The following TP73 variants were observed in gnomAD, a reference collection of about 807,000 sequenced individuals.
TP73 encodes tumor protein p73.
A neutral mutation model predicts 62.5 loss-of-function variants in TP73; 25 were observed. That is an observed-to-expected ratio of 0.40 (90% CI 0.29 to 0.56). The LOEUF (loss-of-function observed/expected upper bound fraction) is 0.56. Among genes scored for constraint, TP73 ranks in the 20% least tolerant of loss-of-function variants. The pLI, the probability that TP73 is intolerant of heterozygous loss-of-function variation, is 0.46. For synonymous variants in TP73, 423 were observed against 377.5 expected (o/e 1.12, Z -1.40); for missense variants, 754 against 913.3 (o/e 0.83, Z 2.25).
At chr1:3,713,281 C>G (rs907153070) in intron 4 of TP73, among the ~76,000 whole-genome samples, 2 of 152,222 alleles carry the variant, frequency 1.3e-5, no homozygotes, top group African/African-American at 4.8e-5. Context: ...AGAAGCCAGG[C>G]AGCTGGGCTT....
intron 6 of TP73, among the ~76,000 whole-genome samples, chr1:3,724,987 C>T (rs149010960): frequency 6.6e-6 from 1 of 152,038 alleles, no homozygotes; most frequent in African/African-American, 2.4e-5. Flanking sequence ...CCATTGCACT[C>T]CAGCCTGGGG....
chr1:3,686,976 A>G (rs1287304286), intron 3 of TP73, among the ~76,000 whole-genome samples: 1 of 152,128 alleles, frequency 6.6e-6, no homozygotes, highest in East Asian at 1.9e-4. Flanking sequence ...GAGGGCAGGG[A>G]GGAGGCCCTG....
intron 4 of TP73, among the ~76,000 whole-genome samples, chr1:3,709,301 G>A (rs1639939458): frequency 6.6e-6 from 1 of 152,312 alleles, no homozygotes; most frequent in South Asian, 2.1e-4. Context: ...AGAGGACCTG[G>A]CACCTCCTCC....
At chr1:3,709,195 G>A (rs559071189) in intron 4 of TP73, among the ~76,000 whole-genome samples, 1 of 152,132 alleles carries the variant, frequency 6.6e-6, no homozygotes, top group Non-Finnish European at 1.5e-5. Flanking sequence ...CCAGCCACGG[G>A]CTCCCCCAGC....
chr1:3,706,944 G>A (rs963138703), intron 3 of TP73, among the ~76,000 whole-genome samples: 45 of 152,134 alleles, frequency 3.0e-4, no homozygotes, highest in Non-Finnish European at 2.9e-5. Flanking sequence ...GCCGTTCACC[G>A]AGAGATGAGG....
rs963554602 is a variant in TP73, at chr1:3,670,102, G to C, written c.-33-12231G>C. ...CCTGGATGGGCATGTGGCTCGGGGG[G>C]CGAGACCATGGGCTCTTCCTGGCTT... On this transcript the variant is annotated intron_variant, in intron 1 of 13. Transcript: ENST00000378295. The surrounding 1 kb of genome is among the most constrained non-coding windows in gnomAD (Gnocchi z 5.9). Among the ~76,000 whole-genome samples the C allele has an allele frequency of 6.6e-6, 1 of 152,010 alleles. No homozygotes were observed. The highest frequency in any genetic ancestry group is 1.5e-5 in the Non-Finnish European group (1 of 67,992).
At chr1:3,718,359 C>T (rs940583869) in intron 4 of TP73, among the ~76,000 whole-genome samples, 4 of 152,234 alleles carry the variant, frequency 2.6e-5, no homozygotes, top group Admixed American at 6.5e-5. Flanking sequence ...TGGGACGCCC[C>T]ACCACGCAGC....
At chr1:3,700,850 T>C (rs549834007) in intron 3 of TP73, among the ~76,000 whole-genome samples, 2 of 152,282 alleles carry the variant, frequency 1.3e-5, no homozygotes, top group Non-Finnish European at 2.9e-5. Context: ...GGGAATCTTT[T>C]AACAAAACCA....
intron 1 of TP73, among the ~76,000 whole-genome samples, chr1:3,679,301 T>C (rs1645451897): frequency 6.6e-6 from 1 of 152,240 alleles, no homozygotes; most frequent in South Asian, 2.1e-4. Context: ...GACCAGTTCC[T>C]GTGAGCCCTG....
rs1645028672 is a variant in TP73 at position 3,662,906 on chromosome 1, C to G, written c.-34+10265C>G. Among the ~76,000 whole-genome samples, 1 of 152,252 alleles carries G rather than the reference C, an allele frequency of 6.6e-6. No homozygotes were observed. Among genetic ancestry groups the G allele is most frequent in the South Asian group, 2.1e-4 (1 of 4,832 alleles). ...GCCTCTTCCAGCAGCTCCGAGCGCT[C>G]TCAGAGAAAAACGAAATTCTCTTTT... is the stretch of plus-strand genomic sequence containing the variant. On this transcript the variant is annotated intron_variant, in intron 1 of 13. Transcript: ENST00000378295. This position sits in a 1 kb window ranked among gnomAD's most constrained non-coding sequence, Gnocchi z 4.4.
chr1:3,679,640 CTCTG>C (rs1052707628), intron 1 of TP73, among the ~76,000 whole-genome samples: 5 of 151,132 alleles, frequency 3.3e-5, no homozygotes, highest in Admixed American at 6.6e-5. Context: ...GTCTCTCTGT[CTCTG>C]TCTCTCTCTC....
Position 3,663,807 on chromosome 1 carries a change from T to C in TP73, c.-34+11166T>C, listed in dbSNP as rs1442743710. On this transcript the variant is annotated intron_variant, in intron 1 of 13. Coordinates refer to ENST00000378295, the MANE Select transcript of TP73 (RefSeq NM_005427.4). The surrounding 1 kb of genome is among the most constrained non-coding windows in gnomAD (Gnocchi z 4.7). The stretch of plus-strand genomic sequence containing the variant: ...CTTCTGGGTCTAGGGCACATGAGGG[T>C]CTGTGACCTAATTCAGAGGAAGGCC... Among the ~76,000 whole-genome samples, 1 of 151,844 alleles carries C rather than the reference T, an allele frequency of 6.6e-6. No homozygotes were observed.
rs547680599 is a variant in TP73, at chr1:3,710,513, A to G, written c.429+2722A>G. 8.5e-4 allele frequency among the ~76,000 whole-genome samples: 130 copies of G among 152,110 alleles called. 3 individuals are homozygous for G. The highest frequency in any genetic ancestry group is 7.6e-3 in the Admixed American group (117 of 15,300). The stretch of plus-strand genomic sequence containing the variant: ...GCTTGCGTCCGGCCTCTGCACCGTG[A>G]CTCCTGGGGCTCCCGGCACGCCAGC... On this transcript the variant is annotated intron_variant, in intron 4 of 13. Coordinates refer to ENST00000378295, the MANE Select transcript of TP73 (RefSeq NM_005427.4).
At chr1:3,719,907 T>TGTGTGTGTGTGTGTTC (rs1640927350) in intron 4 of TP73, among the ~76,000 whole-genome samples, 2 of 150,236 alleles carry the variant, frequency 1.3e-5, no homozygotes, top group African/African-American at 4.9e-5. Context: ...TGTGTGTGTG[T>TGTGTGTGTGTGTGTTC]GTGTGTGTGT....
At position 3,655,407 on chromosome 1, in the gene TP73, C is replaced by T. The variant is rs116434334; in HGVS notation, c.-34+2766C>T. On this transcript the variant is annotated intron_variant, in intron 1 of 13. Coordinates refer to ENST00000378295, the MANE Select transcript of TP73 (RefSeq NM_005427.4). ...GTCTCAAAAAAACACGCAAAAAATACTTTTGGTGTGTGTTTCATGTAACGA... is the reference window on the plus strand; with the variant it reads ...GTCTCAAAAAAACACGCAAAAAATATTTTTGGTGTGTGTTTCATGTAACGA... Among the ~76,000 whole-genome samples, 203 of 152,312 alleles carry T rather than the reference C, an allele frequency of 1.3e-3. 1 individual carries two copies. Among genetic ancestry groups the T allele is most frequent in the African/African-American group, 4.8e-3 (200 of 41,568 alleles).
chr1:3,712,067 G>A (rs1489390080), intron 4 of TP73: 1 of 152,148 alleles, frequency 6.6e-6, no homozygotes, highest in African/African-American at 2.4e-5. Context: ...TTGCAAGCAG[G>A]AGAATAATAG....
chr1:3,666,139 AAAAAAAAAAAAAG>A lies in TP73; in HGVS notation c.-34+13500_-34+13512del, dbSNP rs1158284764. Among the ~76,000 whole-genome samples the A allele has an allele frequency of 3.5e-4, 53 of 149,368 alleles. No homozygotes were observed. Among genetic ancestry groups the A allele is most frequent in the African/African-American group, 1.2e-3 (50 of 40,752 alleles). On this transcript the variant is annotated intron_variant, in intron 1 of 13. Transcript: ENST00000378295. The surrounding 1 kb of genome is among the most constrained non-coding windows in gnomAD (Gnocchi z 6.4). Reference sequence around the variant, plus strand: ...AACTCTGTCTCAAAAAAAAAAAAAAAAAAAAAAAAAAAGAGAGAGAGAGAGAGAGAATCTCACT... The same window carrying A: ...AACTCTGTCTCAAAAAAAAAAAAAAAAGAGAGAGAGAGAGAGAATCTCACT...
intron 1 of TP73, among the ~76,000 whole-genome samples, chr1:3,655,380 C>G (rs1644844385): frequency 6.6e-6 from 1 of 152,180 alleles, no homozygotes; most frequent in South Asian, 2.1e-4. Flanking sequence ...GAGCGAGACT[C>G]TGTCTCAAAA....
intron 4 of TP73, among the ~76,000 whole-genome samples, chr1:3,719,829 C>T (rs1640909488): frequency 6.6e-6 from 1 of 152,148 alleles, no homozygotes; most frequent in African/African-American, 2.4e-5. Context: ...CCAGGGCAGG[C>T]GCCCGCACAG....
Sources: allele counts gnomAD v4.1 joint callset (sites outside exome capture counted in the v4.1 genomes callset), GRCh38; gene constraint gnomAD v4.1.1; non-coding constraint Gnocchi (gnomAD v3.1); transcripts MANE v1.5; gene names NCBI Gene and HGNC (gene_info 2026-07-23, HGNC 2026-07-21).